ANKS1A: variants seen among roughly 807,000 people sequenced by gnomAD.
ANKS1A encodes the protein ankyrin repeat and SAM domain-containing protein 1A.
ANKS1A carries 55 observed loss-of-function variants against 120.3 expected under a neutral mutation model. That is an observed-to-expected ratio of 0.46 (90% CI 0.37 to 0.57). The LOEUF is 0.57. ANKS1A is among the 20% of genes least tolerant of loss of function. The pLI is 0.00. For synonymous variants in ANKS1A, 590 were observed against 604.7 expected (o/e 0.98, Z 0.36); for missense variants, 1,123 against 1,480.3 (o/e 0.76, Z 3.96).
At chr6:34,965,071 C>T (rs1467851128) in intron 1 of ANKS1A, among the ~76,000 whole-genome samples, 2 of 152,108 alleles carry the variant, frequency 1.3e-5, no homozygotes, top group Admixed American at 1.3e-4. Flanking sequence ...CTGTCTATAG[C>T]TCTCTATCTG....
chr6:35,076,057 ACCTGG>A (rs1245583304), intron 13 of ANKS1A, among the ~76,000 whole-genome samples: 11 of 152,134 alleles, frequency 7.2e-5, no homozygotes, highest in African/African-American at 2.4e-4. Flanking sequence ...AAGCCATTGC[ACCTGG>A]CCAATTTTCT....
At chr6:35,037,973 G>A (rs190689488) in intron 11 of ANKS1A, among the ~76,000 whole-genome samples, 121 of 152,104 alleles carry the variant, frequency 8.0e-4, no homozygotes, top group Middle Eastern at 3.4e-3. Flanking sequence ...GCCAGGGAGA[G>A]GGCACGATGG....
Position 35,060,339 on chromosome 6 carries a change from C to A in ANKS1A, c.2184+86C>A. Reference sequence around the variant, plus strand: ...GCCTCCCCTCTGGCCCCACAGGAGTCTGCAACAGTACGTAGACCCAAATCC... The same window carrying A: ...GCCTCCCCTCTGGCCCCACAGGAGTATGCAACAGTACGTAGACCCAAATCC... On this transcript the variant is annotated intron_variant, in intron 13 of 23. Coordinates refer to ENST00000360359, the MANE Select transcript of ANKS1A (RefSeq NM_015245.3). The surrounding 1 kb of genome is among the most constrained non-coding windows in gnomAD (Gnocchi z 4.5). The A allele has an allele frequency of 8.3e-7, 1 of 1,211,540 alleles. No homozygotes were observed. The highest frequency in any genetic ancestry group is 1.3e-5 in the South Asian group (1 of 75,894). The allele number at this position is 1,211,540 out of a possible 1,614,324, so 75.0% of individuals were successfully genotyped here. A position where few individuals can be genotyped will look rare whatever the true frequency, so the allele number is the denominator to read the frequency against.
chr6:35,002,443 G>A, intron 10 of ANKS1A, among the ~76,000 whole-genome samples: 1 of 152,136 alleles, frequency 6.6e-6, no homozygotes, highest in African/African-American at 2.4e-5. Context: ...ATACAGTAAG[G>A]ACTTCAACTG....
chr6:35,056,328 G>A (rs940212929), intron 12 of ANKS1A, among the ~76,000 whole-genome samples: 21 of 152,042 alleles, frequency 1.4e-4, no homozygotes, highest in African/African-American at 5.1e-4. Context: ...TCGCTCTTTC[G>A]CCCAGGCTGG....
chr6:34,902,537 C>T (rs534558182), intron 1 of ANKS1A, among the ~76,000 whole-genome samples: 28 of 152,172 alleles, frequency 1.8e-4, no homozygotes, highest in African/African-American at 6.3e-4. Context: ...CGTGAGCTAC[C>T]GCGCCTGGCC....
intron 13 of ANKS1A, among the ~76,000 whole-genome samples, chr6:35,076,478 C>G (rs187784298): frequency 3.3e-5 from 5 of 152,210 alleles, no homozygotes; most frequent in African/African-American, 1.2e-4. Context: ...CCCAAGTGTG[C>G]GGCACCAGGG....
In ANKS1A at chr6:34,898,958, T is replaced by C. The variant is rs1220880485; in HGVS notation, c.197+9359T>C. ...AACAGCTCTGTGATGAACATGCATG[T>C]GGATAAGTTTGTGTGTACATTCTGC... is the stretch of plus-strand genomic sequence containing the variant. On this transcript the variant is annotated intron_variant, in intron 1 of 23. Transcript: ENST00000360359. Among the ~76,000 whole-genome samples the C allele has an allele frequency of 2.0e-5, 3 of 152,194 alleles. No individual in the cohort carries two copies. The East Asian group carries it at 5.8e-4, about 29-fold the overall frequency.
chr6:35,049,131 G>A (rs1193927203), intron 11 of ANKS1A, among the ~76,000 whole-genome samples: 1 of 152,226 alleles, frequency 6.6e-6, no homozygotes, highest in Non-Finnish European at 1.5e-5. Flanking sequence ...TCAGCTGAAA[G>A]TTGTGGAGTG....
intron 11 of ANKS1A, among the ~76,000 whole-genome samples, chr6:35,052,754 G>A (rs1433771587): frequency 2.0e-5 from 3 of 152,170 alleles, no homozygotes; most frequent in African/African-American, 7.2e-5. Context: ...AGAGATGGGG[G>A]TGGAGGGAGG....
At position 35,083,571 on chromosome 6, in the gene ANKS1A, G is replaced by A; in HGVS notation, c.2994+68G>A. On this transcript the variant is annotated intron_variant, in intron 20 of 23. Transcript: ENST00000360359. The stretch of plus-strand genomic sequence containing the variant: ...TCCCCGTCAGACCCACAGGGCTCCA[G>A]GGCAAGCAACCCGGCTGCCCTGTCT... 2.7e-6 allele frequency: 4 copies of A among 1,502,794 alleles called. No homozygotes were observed. The South Asian group carries it at 4.5e-5, about 17-fold the overall frequency. 93.1% of individuals were successfully genotyped at this position (1,502,794 alleles called of 1,614,324 possible). A position where few individuals can be genotyped will look rare whatever the true frequency, so the allele number is the denominator to read the frequency against.
intron 15 of ANKS1A, 74 bp from the exon 16 acceptor site, chr6:35,079,747 G>A (rs1003931928): frequency 1.2e-6 from 2 of 1,611,380 alleles, no homozygotes; most frequent in African/African-American, 2.7e-5. Context: ...CCCAGCGGAA[G>A]ATGCTGGGGG....
intron 10 of ANKS1A, among the ~76,000 whole-genome samples, chr6:34,997,340 G>A (rs1348546542): frequency 6.6e-6 from 1 of 151,954 alleles, no homozygotes; most frequent in African/African-American, 2.4e-5. Flanking sequence ...GGGATTACAG[G>A]CATCCACCAC....
chr6:34,972,129 C>G (rs1017870735), intron 3 of ANKS1A, among the ~76,000 whole-genome samples: 1 of 152,174 alleles, frequency 6.6e-6, no homozygotes, highest in Non-Finnish European at 1.5e-5. Context: ...TTCTAATCCT[C>G]TTTGCTCACG....
chr6:34,942,228 CTTCT>C (rs1360147810), intron 1 of ANKS1A, among the ~76,000 whole-genome samples: 3 of 152,218 alleles, frequency 2.0e-5, no homozygotes, highest in Non-Finnish European at 1.5e-5. Flanking sequence ...TTGGCCATCT[CTTCT>C]TTCTTTCGAG....
rs1773406599 is a variant in ANKS1A, at chr6:35,005,617, A to C, written c.1423+11195A>C. Among the ~76,000 whole-genome samples the C allele has an allele frequency of 2.6e-5, 4 of 152,244 alleles. No homozygotes were observed. The South Asian group carries it at 8.3e-4, about 31-fold the overall frequency. Reference sequence around the variant, plus strand: ...TGATATTTTATGTTATGTGTGCTACACCTTAGTGAAAGAAAGAAAAGTAAA... The same window carrying C: ...TGATATTTTATGTTATGTGTGCTACCCCTTAGTGAAAGAAAGAAAAGTAAA... On this transcript the variant is annotated intron_variant, in intron 10 of 23. Coordinates refer to ENST00000360359, the MANE Select transcript of ANKS1A (RefSeq NM_015245.3).
At chr6:34,951,630 C>A (rs1049055384) in intron 1 of ANKS1A, among the ~76,000 whole-genome samples, 2 of 152,084 alleles carry the variant, frequency 1.3e-5, no homozygotes, top group Non-Finnish European at 2.9e-5. Context: ...AGACATTTAT[C>A]CCTTTTAAGT....
chr6:35,068,620 A>G (rs865352), intron 13 of ANKS1A, among the ~76,000 whole-genome samples: 128,194 of 152,198 alleles, frequency 0.84, 54,782 homozygotes, highest in South Asian at 0.93. Context: ...CTCCCCTCTT[A>G]GGAGGGTCCC....
chr6:34,928,632 G>A (rs1768830167), intron 1 of ANKS1A, among the ~76,000 whole-genome samples: 1 of 151,942 alleles, frequency 6.6e-6, no homozygotes, highest in South Asian at 2.1e-4. Context: ...CTATTAGGAG[G>A]GTAGAGTGTT....
Sources: allele counts gnomAD v4.1 joint callset (sites outside exome capture counted in the v4.1 genomes callset), GRCh38; gene constraint gnomAD v4.1.1; non-coding constraint Gnocchi (gnomAD v3.1); transcripts MANE v1.5; gene names NCBI Gene and HGNC (gene_info 2026-07-23, HGNC 2026-07-21).